The following CHL1 variants were observed in gnomAD, a reference collection of about 807,000 sequenced individuals.
The protein encoded by CHL1 is cell adhesion molecule L1 like.
CHL1 carries 96 observed loss-of-function variants against 141.9 expected under a neutral mutation model. The ratio of observed to expected loss-of-function variants is 0.68; its 90% CI spans 0.57 to 0.80. The LOEUF (loss-of-function observed/expected upper bound fraction) is 0.80. Ranked by LOEUF, CHL1 falls within the 30% of genes least tolerant of loss-of-function variation. CHL1 has a pLI of 0.00. For missense variants in CHL1, 1,820 were observed against 1,457.2 expected, an observed-to-expected ratio of 1.25 and a Z score of -4.05; for synonymous variants, 613 against 502.2, an observed-to-expected ratio of 1.22 and a Z score of -2.95.
chr3:265,295 G>C (rs1297249084), intron 2 of CHL1, among the ~76,000 whole-genome samples: 2 of 152,152 alleles, frequency 1.3e-5, no homozygotes, highest in Non-Finnish European at 2.9e-5. Context: ...TTGCCTGATA[G>C]GTTTTTATAT....
chr3:326,551 T>C (rs1701028375), intron 4 of CHL1, among the ~76,000 whole-genome samples: 1 of 151,978 alleles, frequency 6.6e-6, no homozygotes, highest in African/African-American at 2.4e-5. Context: ...GGCAGAGTAC[T>C]ATTGCATGAT....
At chr3:273,510 C>T (rs377259231) in intron 2 of CHL1, among the ~76,000 whole-genome samples, 3 of 152,250 alleles carry the variant, frequency 2.0e-5, no homozygotes, top group East Asian at 1.9e-4. Context: ...TTGTTTCCTC[C>T]AGTCCCTTAT....
rs911398705 is a variant in CHL1 at position 244,315 on chromosome 3, T to C, written c.-174-298T>C. Among the ~76,000 whole-genome samples the C allele has an allele frequency of 4.6e-5, 7 of 152,188 alleles. No homozygotes were observed. The East Asian group carries it at 1.3e-3, about 29-fold the overall frequency. ...CTTACAGTTGTGGTCTGTTGCAAAA[T>C]ACGTGAATTCATGAGAGAAGACACA... On this transcript the variant is annotated intron_variant, in intron 1 of 27. Coordinates refer to ENST00000256509, the MANE Select transcript of CHL1 (RefSeq NM_006614.4).
chr3:354,908 T>C (rs2125228711), intron 11 of CHL1, 137 bp downstream of exon 11: 2 of 1,105,488 alleles, frequency 1.8e-6, no homozygotes, highest in Non-Finnish European at 2.5e-6. Flanking sequence ...TCAGAGATTG[T>C]TTATTTCTAA....
chr3:310,736 T>C (rs1054393696), intron 2 of CHL1, among the ~76,000 whole-genome samples: 14 of 152,212 alleles, frequency 9.2e-5, no homozygotes, highest in Non-Finnish European at 1.9e-4. Context: ...CATTGACATA[T>C]CAATAACGCC....
At chr3:348,170 TA>T (rs2125187778) in intron 9 of CHL1, among the ~76,000 whole-genome samples, 1 of 152,168 alleles carries the variant, frequency 6.6e-6, no homozygotes, top group Non-Finnish European at 1.5e-5. Flanking sequence ...AACACACTGA[TA>T]AAAAAGGAAC....
intron 2 of CHL1, among the ~76,000 whole-genome samples, chr3:279,043 C>G (rs1696407287): frequency 6.6e-6 from 1 of 152,086 alleles, no homozygotes; most frequent in African/African-American, 2.4e-5. Context: ...AAAAAGGGAC[C>G]CACAGAAAAA....
intron 2 of CHL1, among the ~76,000 whole-genome samples, chr3:317,569 C>A (rs79185595): frequency 6.7e-6 from 1 of 149,494 alleles, no homozygotes; most frequent in Non-Finnish European, 1.5e-5. Context: ...CTAATGGAAC[C>A]GAGTATTAAA....
intron 1 of CHL1, among the ~76,000 whole-genome samples, chr3:238,437 G>A (rs940798563): frequency 1.3e-5 from 2 of 151,938 alleles, no homozygotes; most frequent in South Asian, 2.1e-4. Flanking sequence ...AAAAAAAATA[G>A]CCAGTTTTGA....
intron 19 of CHL1, chr3:385,632 A>T (rs1361563516): frequency 6.6e-6 from 1 of 152,226 alleles, no homozygotes; most frequent in Non-Finnish European, 1.5e-5. Context: ...GTTTGAGACC[A>T]GCCTGGACAA....
At chr3:281,262 C>T (rs1275721369) in intron 2 of CHL1, among the ~76,000 whole-genome samples, 23 of 152,146 alleles carry the variant, frequency 1.5e-4, no homozygotes, top group Admixed American at 1.2e-3. Flanking sequence ...ATAGTTATTC[C>T]TTCTTCCACT....
chr3:242,385 A>G (rs9878428), intron 1 of CHL1, among the ~76,000 whole-genome samples: 5,459 of 142,282 alleles, frequency 0.038, 378 homozygotes, highest in African/African-American at 0.13. Context: ...TCACGAGGTC[A>G]GGAGATCGAG....
chr3:343,074 C>T, intron 8 of CHL1, 43 bp downstream of exon 8: 6 of 1,472,144 alleles, frequency 4.1e-6, no homozygotes, highest in Non-Finnish European at 5.5e-6. Flanking sequence ...GTGTATAGCT[C>T]ATTGTCATCT....
intron 2 of CHL1, among the ~76,000 whole-genome samples, chr3:246,008 T>G (rs1234504596): frequency 6.6e-6 from 1 of 152,134 alleles, no homozygotes; most frequent in Non-Finnish European, 1.5e-5. Context: ...TTGAAGTATA[T>G]TCTAATATCC....
At chr3:328,386 A>C (rs1559261796) in intron 5 of CHL1, 32 bp downstream of exon 5, 1 of 1,543,590 alleles carries the variant, frequency 6.5e-7, no homozygotes, top group African/African-American at 1.4e-5. Context: ...TCATTTTACA[A>C]GTGTTTTAGT....
chr3:357,077 T>G (rs763448422), intron 11 of CHL1, among the ~76,000 whole-genome samples: 1 of 152,192 alleles, frequency 6.6e-6, no homozygotes, highest in Non-Finnish European at 1.5e-5. Context: ...AATAGGTTTG[T>G]TAATGGATGA....
chr3:374,801 T>C (rs922782800), intron 15 of CHL1, among the ~76,000 whole-genome samples: 1 of 152,166 alleles, frequency 6.6e-6, no homozygotes, highest in Non-Finnish European at 1.5e-5. Flanking sequence ...TCTGCTAATT[T>C]TCTACAAAGC....
intron 1 of CHL1, among the ~76,000 whole-genome samples, chr3:212,742 T>C (rs1700003644): frequency 6.6e-6 from 1 of 152,196 alleles, no homozygotes; most frequent in Admixed American, 6.5e-5. Flanking sequence ...CTCCTTTGAC[T>C]CAACAGCTCA....
At chr3:353,683 T>G (rs1703461188) in intron 10 of CHL1, among the ~76,000 whole-genome samples, 1 of 152,212 alleles carries the variant, frequency 6.6e-6, no homozygotes, top group Non-Finnish European at 1.5e-5. Flanking sequence ...TTAGAAAAAT[T>G]TTAATGATAT....
Sources: gnomAD v4.1 joint callset for allele counts (sites outside exome capture counted in the v4.1 genomes callset) on GRCh38, gnomAD v4.1.1 for gene constraint, MANE v1.5 for transcripts, NCBI Gene and HGNC (gene_info 2026-07-23, HGNC 2026-07-21) for gene names.